Variants in CAPZB observed in about 807,000 individuals in gnomAD.
CAPZB encodes F-actin-capping protein subunit beta.
In CAPZB, 2 loss-of-function variants were observed where a neutral mutation model predicts 38.1. The ratio of observed to expected loss-of-function variants is 0.05; its 90% CI spans 0.02 to 0.17. The LOEUF is 0.17. Ranked by LOEUF, CAPZB falls within the 10% of genes least tolerant of loss-of-function variation. CAPZB has a pLI of 1.00. For missense variants in CAPZB, 161 were observed against 334.2 expected (o/e 0.48, Z 4.04); for synonymous variants, 107 against 127.4 (o/e 0.84, Z 1.08).
At chr1:19,351,787 A>G (rs537902315) in intron 6 of CAPZB, among the ~76,000 whole-genome samples, 3 of 152,058 alleles carry the variant, frequency 2.0e-5, no homozygotes, top group Admixed American at 1.3e-4. Flanking sequence ...ACAAACCACA[A>G]TCCAGGGCTC....
intron 1 of CAPZB, among the ~76,000 whole-genome samples, chr1:19,483,524 C>CCAGCCTTTT (rs1481355644): frequency 6.6e-6 from 1 of 152,348 alleles, no homozygotes; most frequent in East Asian, 1.9e-4. Flanking sequence ...TCCACCCTTT[C>CCAGCCTTTT]CAGCCTTTTC....
chr1:19,352,081 C>T (rs1238046235), intron 6 of CAPZB, among the ~76,000 whole-genome samples: 9 of 152,236 alleles, frequency 5.9e-5, no homozygotes, highest in East Asian at 1.9e-4. Context: ...GCCTCCCCAG[C>T]GAGCGTGCAC....
chr1:19,475,678 C>A (rs907173790), intron 1 of CAPZB, among the ~76,000 whole-genome samples: 2 of 152,216 alleles, frequency 1.3e-5, no homozygotes, highest in African/African-American at 4.8e-5. Context: ...CTGGACATGG[C>A]TAGTCTCACA....
intron 2 of CAPZB, among the ~76,000 whole-genome samples, chr1:19,408,694 G>A (rs1458784316): frequency 6.6e-6 from 1 of 152,204 alleles, no homozygotes; most frequent in Non-Finnish European, 1.5e-5. Flanking sequence ...AGTTCTGAGA[G>A]ACTGAGAGAC....
chr1:19,468,798 T>C (rs1250584037), intron 1 of CAPZB, among the ~76,000 whole-genome samples: 1 of 151,950 alleles, frequency 6.6e-6, no homozygotes, highest in African/African-American at 2.4e-5. Flanking sequence ...ACACGCCGTC[T>C]CTCTGCCTGC....
intron 1 of CAPZB, among the ~76,000 whole-genome samples, chr1:19,428,870 A>G (rs960739659): frequency 2.0e-5 from 3 of 152,060 alleles, no homozygotes; most frequent in Admixed American, 2.0e-4. Context: ...GACAGCCAGA[A>G]AAAAAAAGCA....
intron 2 of CAPZB, among the ~76,000 whole-genome samples, chr1:19,414,006 T>C (rs1452964505): frequency 6.6e-6 from 1 of 152,208 alleles, no homozygotes; most frequent in Non-Finnish European, 1.5e-5. Context: ...TAATGAACTA[T>C]TGACTAATAG....
At chr1:19,388,430 A>T (rs2094215023) in intron 2 of CAPZB, among the ~76,000 whole-genome samples, 4 of 152,096 alleles carry the variant, frequency 2.6e-5, no homozygotes, top group Admixed American at 2.6e-4. Context: ...GTTTTACAAC[A>T]CGGAGCCTCC....
At chr1:19,363,308 G>A (rs1241336545) in intron 4 of CAPZB, among the ~76,000 whole-genome samples, 1 of 144,840 alleles carries the variant, frequency 6.9e-6, no homozygotes, top group African/African-American at 2.5e-5. Flanking sequence ...TGTTGCCCAG[G>A]CTGGTCTCAA....
At chr1:19,371,977 G>A (rs1284321929) in intron 4 of CAPZB, among the ~76,000 whole-genome samples, 1 of 152,254 alleles carries the variant, frequency 6.6e-6, no homozygotes, top group South Asian at 2.1e-4. Context: ...CCAGGCCGGG[G>A]GGTGGGGCCC....
At chr1:19,405,941 C>T (rs2094329696) in intron 2 of CAPZB, among the ~76,000 whole-genome samples, 1 of 152,176 alleles carries the variant, frequency 6.6e-6, no homozygotes, top group Non-Finnish European at 1.5e-5. Context: ...TACACAAAGC[C>T]TCTAGAATTT....
intron 1 of CAPZB, among the ~76,000 whole-genome samples, chr1:19,463,142 T>C (rs921213155): frequency 2.0e-5 from 3 of 152,258 alleles, no homozygotes; most frequent in Non-Finnish European, 2.9e-5. Flanking sequence ...CAAATCTGCA[T>C]ATTCCTGTCA....
At chr1:19,341,813 C>T (rs1369788629) in intron 8 of CAPZB, among the ~76,000 whole-genome samples, 1 of 152,222 alleles carries the variant, frequency 6.6e-6, no homozygotes, top group East Asian at 1.9e-4. Flanking sequence ...GCACTTAAGT[C>T]CCACGGCCTC....
intron 2 of CAPZB, among the ~76,000 whole-genome samples, chr1:19,391,034 T>C (rs1186309937): frequency 1.3e-5 from 2 of 151,522 alleles, no homozygotes; most frequent in Non-Finnish European, 2.9e-5. Context: ...ACAGCACAGC[T>C]AGGTTCAAAA....
chr1:19,437,917 G>C (rs912438048), intron 1 of CAPZB, among the ~76,000 whole-genome samples: 1 of 152,188 alleles, frequency 6.6e-6, no homozygotes, highest in African/African-American at 2.4e-5. Context: ...GTTTTCCTAG[G>C]CTCCTTCCTC....
chr1:19,339,684 G>A, intron 8 of CAPZB, 67 bp from the exon 9 acceptor site: 2 of 1,205,068 alleles, frequency 1.7e-6, no homozygotes, highest in Non-Finnish European at 1.2e-6. Context: ...AGGCCTGGGG[G>A]CCACCATGCC....
intron 8 of CAPZB, among the ~76,000 whole-genome samples, chr1:19,340,281 C>A (rs1210996523): frequency 6.6e-6 from 1 of 152,166 alleles, no homozygotes; most frequent in South Asian, 2.1e-4. Flanking sequence ...AGGCACCATC[C>A]GCTGTTAACT....
intron 1 of CAPZB, among the ~76,000 whole-genome samples, chr1:19,454,773 G>A (rs1289235954): frequency 6.6e-6 from 1 of 152,210 alleles, no homozygotes; most frequent in South Asian, 2.1e-4. Context: ...CTCATTCAAG[G>A]AGTAGAGCTT....
At chr1:19,401,200 A>C (rs1347972773) in intron 2 of CAPZB, among the ~76,000 whole-genome samples, 2 of 144,936 alleles carry the variant, frequency 1.4e-5, no homozygotes, top group African/African-American at 4.9e-5. Flanking sequence ...CAGAATAAAA[A>C]CCAAAAAGGA....
Sources: allele counts gnomAD v4.1 joint callset (sites outside exome capture counted in the v4.1 genomes callset), GRCh38; gene constraint gnomAD v4.1.1; transcripts MANE v1.5; gene names NCBI Gene and HGNC (gene_info 2026-07-23, HGNC 2026-07-21).